Variants in FOXP2 observed in about 807,000 individuals in gnomAD.
FOXP2 encodes the protein forkhead box P2, also known as forkhead box protein P2.
In FOXP2, 12 loss-of-function variants were observed where a neutral mutation model predicts 115.8. The ratio of observed to expected loss-of-function variants is 0.10; its 90% CI spans 0.07 to 0.17. The LOEUF (loss-of-function observed/expected upper bound fraction) is 0.17. FOXP2 is among the 10% of genes least tolerant of loss of function. FOXP2 has a pLI of 1.00. For synonymous variants in FOXP2, 328 were observed against 297.7 expected, an observed-to-expected ratio of 1.10 and a Z score of -1.05; for missense variants, 629 against 843.5, an observed-to-expected ratio of 0.75 and a Z score of 3.15.
At chr7:114,652,316 C>T in intron 9 of FOXP2, 26 bp downstream of exon 9, 6 of 1,600,600 alleles carry the variant, frequency 3.7e-6, no homozygotes, top group Non-Finnish European at 5.1e-6. Context: ...ACTTAATGGA[C>T]TCTTCTTAGA....
chr7:114,661,753 A>C, intron 13 of FOXP2: 1 of 362,308 alleles, frequency 2.8e-6, no homozygotes, highest in South Asian at 2.2e-5. Flanking sequence ...AGCTGACCTA[A>C]TTGTTCTGGC....
intron 16 of FOXP2, among the ~76,000 whole-genome samples, chr7:114,674,082 C>T (rs925266298): frequency 1.3e-5 from 2 of 152,158 alleles, no homozygotes; most frequent in Admixed American, 6.5e-5. Context: ...TAATTATAAG[C>T]TGTCATCATT....
At chr7:114,592,051 A>G (rs552707915) in intron 3 of FOXP2, among the ~76,000 whole-genome samples, 60 of 152,216 alleles carry the variant, frequency 3.9e-4, no homozygotes, top group African/African-American at 1.3e-3. Context: ...TACCTGACGC[A>G]CTATTTCTTA....
intron 1 of FOXP2, among the ~76,000 whole-genome samples, chr7:114,129,213 C>A (rs951759833): frequency 5.3e-5 from 8 of 152,146 alleles, no homozygotes; most frequent in Non-Finnish European, 1.2e-4. Context: ...AAGTGACTTG[C>A]CAAAGTTCAC....
intron 3 of FOXP2, among the ~76,000 whole-genome samples, chr7:114,538,541 G>C (rs1799503369): frequency 6.6e-6 from 1 of 151,556 alleles, no homozygotes; most frequent in South Asian, 2.1e-4. Flanking sequence ...TTCAAGAATG[G>C]AATAGTAAAA....
intron 2 of FOXP2, among the ~76,000 whole-genome samples, chr7:114,293,524 T>C (rs1054309882): frequency 6.6e-6 from 1 of 152,298 alleles, no homozygotes; most frequent in South Asian, 2.1e-4. Context: ...ATTTGAGATA[T>C]GATATAATTT....
intron 1 of FOXP2, among the ~76,000 whole-genome samples, chr7:114,139,524 AGTT>A (rs1382824839): frequency 1.3e-5 from 2 of 152,138 alleles, no homozygotes; most frequent in African/African-American, 4.8e-5. Flanking sequence ...AGTCTTTAAT[AGTT>A]AAGATATTCT....
intron 1 of FOXP2, among the ~76,000 whole-genome samples, chr7:114,210,733 GC>G (rs1269101857): frequency 1.3e-5 from 2 of 152,144 alleles, no homozygotes; most frequent in African/African-American, 4.8e-5. Flanking sequence ...ATTCTCCAAA[GC>G]CAGCAGGCTA....
Position 114,605,929 on chromosome 7 carries a change from T to C in FOXP2, c.259-22611T>C, listed in dbSNP as rs929452219. ...GGAAGATAATTCTGGCAACAACGAG[T>C]AGTATTGATTGGAGATGCAAGACAT... On this transcript the variant is annotated intron_variant, in intron 3 of 16. Transcript: ENST00000350908. Among the ~76,000 whole-genome samples the C allele has an allele frequency of 5.3e-5, 8 of 151,952 alleles. No homozygotes were observed. In the East Asian group the frequency reaches 1.5e-3, roughly 29 times the overall value.
chr7:114,514,808 C>G (rs918963504), intron 2 of FOXP2, among the ~76,000 whole-genome samples: 1 of 151,574 alleles, frequency 6.6e-6, no homozygotes, highest in Non-Finnish European at 1.5e-5. Context: ...TGCTGGTGTG[C>G]TGCACCCATT....
In FOXP2 at chr7:114,690,111, TTTC is replaced by T. The variant is rs770516756; in HGVS notation, c.*203_*205del. 588 of 677,592 alleles carry T rather than the reference TTTC, an allele frequency of 8.7e-4. 3 individuals are homozygous for T. Among genetic ancestry groups the T allele is most frequent in the African/African-American group, 6.0e-3 (333 of 55,244 alleles). The allele number at this position is 677,592 out of a possible 1,614,324, so 42.0% of individuals were successfully genotyped here. A position where few individuals can be genotyped will look rare whatever the true frequency, so the allele number is the denominator to read the frequency against. On this transcript the variant is annotated 3_prime_UTR_variant, in exon 17 of 17. Coordinates refer to ENST00000350908, the MANE Select transcript of FOXP2 (RefSeq NM_014491.4). ...CAGTACCAACAGGCAAATTGCTTGT[TTTC>T]TTCTTCTTCTTCTTCTTTTTTTTTT...
intron 1 of FOXP2, among the ~76,000 whole-genome samples, chr7:114,148,732 A>G (rs1259141223): frequency 6.6e-6 from 1 of 152,178 alleles, no homozygotes; most frequent in African/African-American, 2.4e-5. Flanking sequence ...TGAAGCCAGA[A>G]AACCTGGAAG....
chr7:114,460,116 A>G (rs1795498956), intron 2 of FOXP2, among the ~76,000 whole-genome samples: 1 of 151,716 alleles, frequency 6.6e-6, no homozygotes, highest in African/African-American at 2.4e-5. Context: ...TGAAAATCAC[A>G]TTTATTTATT....
chr7:114,556,535 TATA>T, intron 3 of FOXP2, among the ~76,000 whole-genome samples: 1 of 152,334 alleles, frequency 6.6e-6, no homozygotes, highest in African/African-American at 2.4e-5. Context: ...GGAAAAAAAT[TATA>T]ATATGATAGT....
intron 2 of FOXP2, among the ~76,000 whole-genome samples, chr7:114,461,346 A>T (rs1406934744): frequency 6.6e-6 from 1 of 152,152 alleles, no homozygotes; most frequent in Non-Finnish European, 1.5e-5. Flanking sequence ...GATTTTGTGA[A>T]CTATTATACT....
rs146815728 is a variant in FOXP2, at chr7:114,391,987, T to G, written c.-10-34515T>G. Among the ~76,000 whole-genome samples the G allele has an allele frequency of 2.9e-3, 442 of 152,260 alleles. 1 individual carries two copies. The highest frequency in any genetic ancestry group is 0.01 in the African/African-American group (431 of 41,564). On this transcript the variant is annotated intron_variant, in intron 2 of 17. Transcript: ENST00000634411. ...ATTGCATTAATTAATAATATATTAT[T>G]TATATCTTATTTATGTCAAGGGGAA... is the stretch of plus-strand genomic sequence containing the variant.
chr7:114,347,370 T>C (rs897832644), intron 2 of FOXP2, among the ~76,000 whole-genome samples: 1 of 151,986 alleles, frequency 6.6e-6, no homozygotes, highest in African/African-American at 2.4e-5. Flanking sequence ...ATATGTTTTG[T>C]ATGAGAGGAA....
At position 114,693,367 on chromosome 7, in the gene FOXP2, T is replaced by G; in HGVS notation, c.*3441T>G. 2.2e-6 allele frequency: 1 copy of G among 453,830 alleles called. No individual in the cohort carries two copies. The highest frequency in any genetic ancestry group is 1.6e-5 in the South Asian group (1 of 64,450). 28.1% of individuals were successfully genotyped at this position (453,830 alleles called of 1,614,324 possible). A position where few individuals can be genotyped will look rare whatever the true frequency, so the allele number is the denominator to read the frequency against. ...ACACTTACATAAACCATCCTGGACT[T>G]TAATGTCCCTGGGCAGATTCAGTCG... is the stretch of plus-strand genomic sequence containing the variant. On this transcript the variant is annotated 3_prime_UTR_variant, in exon 17 of 17. Coordinates refer to ENST00000350908, the MANE Select transcript of FOXP2 (RefSeq NM_014491.4).
rs574957919 is a variant in FOXP2, at chr7:114,385,410, G to A, written c.-10-41092G>A. On this transcript the variant is annotated intron_variant, in intron 2 of 17. Transcript: ENST00000634411. ...ATACTTCAGAAGGAAAGGTAGGGGC[G>A]CACACATGGGCAACTGCTGAGTAGA... Among the ~76,000 whole-genome samples the A allele has an allele frequency of 1.4e-4, 21 of 152,284 alleles. 1 individual carries two copies. Among genetic ancestry groups the A allele is most frequent in the South Asian group, 6.2e-4 (3 of 4,824 alleles).
Sources: allele counts gnomAD v4.1 joint callset (sites outside exome capture counted in the v4.1 genomes callset), GRCh38; gene constraint gnomAD v4.1.1; transcripts MANE v1.5; gene names NCBI Gene and HGNC (gene_info 2026-07-23, HGNC 2026-07-21).